The following ZFR variants were observed in gnomAD, a reference collection of about 807,000 sequenced individuals.
ZFR encodes the protein zinc finger RNA binding protein.
Under a neutral mutation model 130.7 loss-of-function variants are expected in ZFR, and 19 were observed. The ratio of observed to expected loss-of-function variants is 0.15; its 90% CI spans 0.10 to 0.21. The LOEUF (loss-of-function observed/expected upper bound fraction) is 0.21. Ranked by LOEUF, ZFR falls within the 10% of genes least tolerant of loss-of-function variation. The probability of loss-of-function intolerance (pLI) is 1.00; values close to 1 mark genes in which losing one functional copy is unlikely to be tolerated. For synonymous variants in ZFR, 466 were observed against 456.9 expected, an observed-to-expected ratio of 1.02 and a Z score of -0.25; for missense variants, 872 against 1,321.5, an observed-to-expected ratio of 0.66 and a Z score of 5.27.
chr5:32,402,268 A>AT (rs1463165524), intron 8 of ZFR, among the ~76,000 whole-genome samples: 1 of 152,226 alleles, frequency 6.6e-6, no homozygotes, highest in East Asian at 1.9e-4. Context: ...GGATGGACAC[A>AT]TAATTGAGAG....
chr5:32,442,231 A>C (rs1260373313), intron 2 of ZFR, among the ~76,000 whole-genome samples: 2 of 152,242 alleles, frequency 1.3e-5, no homozygotes, highest in Non-Finnish European at 2.9e-5. Context: ...TAAAATTTTA[A>C]TGGTTAAACA....
chr5:32,426,341 C>T (rs773550236), intron 2 of ZFR, among the ~76,000 whole-genome samples: 2 of 150,892 alleles, frequency 1.3e-5, no homozygotes, highest in Non-Finnish European at 2.9e-5. Flanking sequence ...AAAACCCAAG[C>T]GATCATCTCA....
intron 6 of ZFR, among the ~76,000 whole-genome samples, chr5:32,406,259 AC>A (rs1363534564): frequency 6.6e-6 from 1 of 152,204 alleles, no homozygotes; most frequent in Non-Finnish European, 1.5e-5. Flanking sequence ...ACTTCTTTAC[AC>A]CTTCCTTGTT....
intron 7 of ZFR, among the ~76,000 whole-genome samples, chr5:32,403,649 T>C (rs1455354619): frequency 6.6e-6 from 1 of 152,220 alleles, no homozygotes; most frequent in Non-Finnish European, 1.5e-5. Flanking sequence ...CAGACTTGGC[T>C]ACATTAAAAA....
At chr5:32,369,485 TAAAACAAAACAAAACAAAAC>T (rs70961625) in intron 17 of ZFR, among the ~76,000 whole-genome samples, 1 of 150,720 alleles carries the variant, frequency 6.6e-6, no homozygotes, top group Non-Finnish European at 1.5e-5. Context: ...TATCATTCTT[TAAAACAAAACAAAACAAAAC>T]AAAACAAAAC....
At chr5:32,396,227 G>C (rs1310566097) in intron 10 of ZFR, among the ~76,000 whole-genome samples, 1 of 148,562 alleles carries the variant, frequency 6.7e-6, no homozygotes, top group East Asian at 2.0e-4. Context: ...AAAAAAAAAA[G>C]GCAGGCAAAT....
At chr5:32,362,663 T>G (rs775427022) in intron 19 of ZFR, among the ~76,000 whole-genome samples, 1 of 152,116 alleles carries the variant, frequency 6.6e-6, no homozygotes, top group Non-Finnish European at 1.5e-5. Context: ...CCTTAAACAC[T>G]CCTAGGAAAC....
At chr5:32,385,424 C>T (rs1753023224) in intron 15 of ZFR, 84 bp downstream of exon 15, 2 of 1,500,014 alleles carry the variant, frequency 1.3e-6, no homozygotes, top group African/African-American at 1.4e-5. Flanking sequence ...AGCATGTTGC[C>T]TTCTAGGGCT....
At chr5:32,380,650 CTTTTTTTTT>C (rs55724344) in intron 15 of ZFR, among the ~76,000 whole-genome samples, 4 of 97,068 alleles carry the variant, frequency 4.1e-5, no homozygotes, top group Non-Finnish European at 8.0e-5. Context: ...ACAGGCATTT[CTTTTTTTTT>C]TTTTTTTTTT....
intron 5 of ZFR, among the ~76,000 whole-genome samples, chr5:32,412,929 A>T (rs574185305): frequency 6.6e-6 from 1 of 152,262 alleles, no homozygotes; most frequent in African/African-American, 2.4e-5. Context: ...TCATGCCTGT[A>T]TTGTAATCCC....
At chr5:32,379,324 C>A in intron 16 of ZFR, 114 bp from the exon 17 acceptor site, 2 of 878,762 alleles carry the variant, frequency 2.3e-6, no homozygotes, top group Non-Finnish European at 3.7e-6. Flanking sequence ...AAAACAAAAA[C>A]AATCACACTT....
At chr5:32,440,663 A>C (rs915087714) in intron 2 of ZFR, among the ~76,000 whole-genome samples, 8 of 152,008 alleles carry the variant, frequency 5.3e-5, no homozygotes, top group Admixed American at 6.6e-5. Context: ...AAAAAAAAAA[A>C]CAAAAAATAC....
At position 32,390,451 on chromosome 5, in the gene ZFR, A is replaced by C; in HGVS notation, c.1980-14T>G. 6.2e-7 allele frequency: 1 copy of C among 1,608,240 alleles called. No individual in the cohort carries two copies. The highest frequency in any genetic ancestry group is 8.5e-7 in the Non-Finnish European group (1 of 1,175,336). On this transcript the variant is annotated splice_polypyrimidine_tract_variant and intron_variant, in intron 11 of 19. Coordinates refer to ENST00000265069, the MANE Select transcript of ZFR (RefSeq NM_016107.5). Reference sequence around the variant, plus strand: ...TCTTCATAACGTCTGAAACATAAAGAATGACATTATAAGCATATGAGGAAA... The same window carrying C: ...TCTTCATAACGTCTGAAACATAAAGCATGACATTATAAGCATATGAGGAAA...
At chr5:32,413,288 A>T (rs913700929) in intron 5 of ZFR, among the ~76,000 whole-genome samples, 5 of 152,190 alleles carry the variant, frequency 3.3e-5, no homozygotes, top group Non-Finnish European at 7.4e-5. Context: ...TCAGAGGTAT[A>T]TATCTATACT....
chr5:32,391,841 C>T (rs1261395169), intron 11 of ZFR, among the ~76,000 whole-genome samples: 2 of 151,948 alleles, frequency 1.3e-5, no homozygotes, highest in African/African-American at 4.8e-5. Context: ...TCAGGTGATC[C>T]TCCCACCTCA....
chr5:32,403,204 C>G lies in ZFR; in HGVS notation c.1418G>C (p.Gly473Ala). Residue 473 changes from glycine to alanine, a missense_variant, in exon 8 of 20, where the codon GGA becomes GCA. Gly to Ala is a moderately conservative substitution (Grantham distance 60, BLOSUM62 0). Coordinates refer to ENST00000265069, the MANE Select transcript of ZFR (RefSeq NM_016107.5). ...AGATGTGCTATTAAGAGACGAGTTT[C>G]CTGTAGTCGTAAGACCCTTCATTGA... The part of the protein sequence containing the change: ...TSSMKGLTTT[G>A]NSSLNSTSNT... 6.2e-7 allele frequency: 1 copy of G among 1,614,190 alleles called. No homozygotes were observed.
At chr5:32,384,604 A>G (rs1393732351) in intron 15 of ZFR, among the ~76,000 whole-genome samples, 1 of 152,196 alleles carries the variant, frequency 6.6e-6, no homozygotes, top group African/African-American at 2.4e-5. Flanking sequence ...TGTATCACAA[A>G]GAAATATTAG....
rs894533837 is a variant in ZFR at position 32,423,364 on chromosome 5, A to T, written c.138-3261T>A. Among the ~76,000 whole-genome samples, 7 of 152,204 alleles carry T rather than the reference A, an allele frequency of 4.6e-5. No individual in the cohort carries two copies. In the South Asian group the frequency reaches 8.3e-4, roughly 18 times the overall value. On this transcript the variant is annotated intron_variant, in intron 2 of 19. Transcript: ENST00000265069. ...TTTTTTTAAATTTAAAAAAATTTTT[A>T]AAAAATGAACAGACAACACAAATCA... is the stretch of plus-strand genomic sequence containing the variant.
At chr5:32,389,505 C>T (rs1045380328) in intron 12 of ZFR, among the ~76,000 whole-genome samples, 2 of 152,102 alleles carry the variant, frequency 1.3e-5, no homozygotes, top group African/African-American at 2.4e-5. Flanking sequence ...AATCTAAATA[C>T]AAAGCAGTTG....
Sources: gnomAD v4.1 joint callset for allele counts (sites outside exome capture counted in the v4.1 genomes callset) on GRCh38, gnomAD v4.1.1 for gene constraint, MANE v1.5 for transcripts, NCBI Gene and HGNC (gene_info 2026-07-23, HGNC 2026-07-21) for gene names.